The following LRRC7 variants were observed in gnomAD, a reference collection of about 807,000 sequenced individuals.
The protein encoded by LRRC7 is leucine-rich repeat-containing protein 7.
In LRRC7, 23 loss-of-function variants were observed where a neutral mutation model predicts 175.7. The observed-to-expected ratio is 0.13, with a 90% CI of 0.09 to 0.19. The LOEUF (loss-of-function observed/expected upper bound fraction) is 0.19, where lower values mean the gene tolerates loss of function less well. Among genes scored for constraint, LRRC7 ranks in the 10% least tolerant of loss-of-function variants. The pLI, the probability that LRRC7 is intolerant of heterozygous loss-of-function variation, is 1.00. For missense variants in LRRC7, 1,354 were observed against 1,904.7 expected (o/e 0.71, Z 5.38); for synonymous variants, 685 against 680.9 (o/e 1.01, Z -0.09).
chr1:69,600,548 G>T (rs898221334), intron 1 of LRRC7, among the ~76,000 whole-genome samples: 1 of 152,084 alleles, frequency 6.6e-6, no homozygotes, highest in Admixed American at 6.6e-5. Flanking sequence ...TATCAGTATG[G>T]ACTCATTGAT....
chr1:69,882,110 A>T (rs957635996), intron 7 of LRRC7, among the ~76,000 whole-genome samples: 1 of 152,088 alleles, frequency 6.6e-6, no homozygotes, highest in Non-Finnish European at 1.5e-5. Context: ...TATGAATGAC[A>T]ACAAGTATAT....
Position 69,571,737 on chromosome 1 carries a change from A to C in LRRC7, c.2+3096A>C, listed in dbSNP as rs570264442. Among the ~76,000 whole-genome samples, 3 of 152,242 alleles carry C rather than the reference A, an allele frequency of 2.0e-5. No homozygotes were observed. The South Asian group carries it at 6.2e-4, about 32-fold the overall frequency. On this transcript the variant is annotated intron_variant, in intron 1 of 26. Transcript: ENST00000651989. ...TGCTGAATGACTGTGGCCCCAATATAAGAAGGAATCACACATTCCACGAGA... is the reference window on the plus strand; with the variant it reads ...TGCTGAATGACTGTGGCCCCAATATCAGAAGGAATCACACATTCCACGAGA...
chr1:69,624,194 T>C (rs2100335694), intron 1 of LRRC7, among the ~76,000 whole-genome samples: 1 of 152,302 alleles, frequency 6.6e-6, no homozygotes, highest in South Asian at 2.1e-4. Context: ...AATAGTACTA[T>C]TAGTAATTTT....
At chr1:69,758,916 T>A (rs1179643026) in intron 2 of LRRC7, among the ~76,000 whole-genome samples, 1 of 152,034 alleles carries the variant, frequency 6.6e-6, no homozygotes, top group African/African-American at 2.4e-5. Context: ...AAAAATACAT[T>A]AGCAAGTTAA....
chr1:69,873,556 C>T (rs889444469), intron 7 of LRRC7: 6 of 518,824 alleles, frequency 1.2e-5, no homozygotes, highest in African/African-American at 7.8e-5. Context: ...AGCAGCTTTT[C>T]GGGCACCAGA....
At chr1:69,928,804 G>A (rs2421316) in intron 7 of LRRC7, among the ~76,000 whole-genome samples, 54,912 of 152,078 alleles carry the variant, frequency 0.36, 12,152 homozygotes, top group East Asian at 0.55. Context: ...TGCACAGTGC[G>A]CTGCGCCCAC....
chr1:69,668,997 G>T (rs984506520), intron 1 of LRRC7, among the ~76,000 whole-genome samples: 1 of 151,946 alleles, frequency 6.6e-6, no homozygotes, highest in Non-Finnish European at 1.5e-5. Flanking sequence ...AGGGTTGTTT[G>T]TTGTAATTTT....
intron 16 of LRRC7, 103 bp downstream of exon 16, chr1:70,021,232 A>G: frequency 1.8e-6 from 2 of 1,125,702 alleles, no homozygotes; most frequent in Middle Eastern, 2.1e-4. Flanking sequence ...TACTTCTTCA[A>G]GTCTCATGGC....
chr1:69,882,681 G>A (rs1356856259), intron 7 of LRRC7, among the ~76,000 whole-genome samples: 1 of 147,630 alleles, frequency 6.8e-6, no homozygotes, highest in Non-Finnish European at 1.5e-5. Context: ...AGTTACATAT[G>A]TATACATGTG....
intron 7 of LRRC7, among the ~76,000 whole-genome samples, chr1:69,909,767 G>A (rs1035663477): frequency 2.7e-4 from 41 of 151,944 alleles, no homozygotes; most frequent in African/African-American, 8.7e-4. Flanking sequence ...GCTCTTCTCG[G>A]GGAGTATCTT....
At chr1:69,617,740 T>C in intron 1 of LRRC7, among the ~76,000 whole-genome samples, 1 of 151,818 alleles carries the variant, frequency 6.6e-6, no homozygotes, top group East Asian at 1.9e-4. Context: ...TTACACTTCT[T>C]CCCACACATA....
rs989986893 is a variant in LRRC7 at position 69,626,623 on chromosome 1, G to A, written c.3-51758G>A. Among the ~76,000 whole-genome samples, 4 of 151,824 alleles carry A rather than the reference G, an allele frequency of 2.6e-5. 1 individual carries two copies. The highest frequency in any genetic ancestry group is 6.6e-5 in the Admixed American group (1 of 15,260). On this transcript the variant is annotated intron_variant, in intron 1 of 26. Transcript: ENST00000651989. Reference sequence around the variant, plus strand: ...ATACATGTGCACAATGTGCAGGTTTGTTACATACATATACATTTGCCATGC... The same window carrying A: ...ATACATGTGCACAATGTGCAGGTTTATTACATACATATACATTTGCCATGC...
At position 69,838,217 on chromosome 1, in the gene LRRC7, A is replaced by G; in HGVS notation, c.591-10A>G. 6.2e-7 allele frequency: 1 copy of G among 1,604,940 alleles called. No individual in the cohort carries two copies. Among genetic ancestry groups the G allele is most frequent in the African/African-American group, 1.3e-5 (1 of 74,734 alleles). On this transcript the variant is annotated splice_polypyrimidine_tract_variant and intron_variant, in intron 6 of 26. Coordinates refer to ENST00000651989, the MANE Select transcript of LRRC7 (RefSeq NM_001370785.2). Reference sequence around the variant, plus strand: ...TACTAAGAGGAAATTTTTAAAATTCATTTCTGTAGACTTGTCAAATTGCGG... The same window carrying G: ...TACTAAGAGGAAATTTTTAAAATTCGTTTCTGTAGACTTGTCAAATTGCGG...
At chr1:70,076,426 C>T (rs1662783126) in intron 24 of LRRC7, 128 bp downstream of exon 24, 1 of 740,310 alleles carries the variant, frequency 1.4e-6, no homozygotes, top group Non-Finnish European at 2.2e-6. Context: ...GGGTAGGGCC[C>T]TCTTTGTGGG....
At chr1:69,765,410 C>T (rs549638307) in intron 3 of LRRC7, among the ~76,000 whole-genome samples, 5 of 152,144 alleles carry the variant, frequency 3.3e-5, no homozygotes, top group Admixed American at 1.3e-4. Flanking sequence ...CTGCTCTTCA[C>T]GAGCCCATCC....
At chr1:69,571,811 C>A (rs1645749583) in intron 1 of LRRC7, among the ~76,000 whole-genome samples, 1 of 152,088 alleles carries the variant, frequency 6.6e-6, no homozygotes, top group Non-Finnish European at 1.5e-5. Context: ...GAAGAGTAAC[C>A]AATTATTGAT....
chr1:69,667,401 G>A (rs1022575681), intron 1 of LRRC7, among the ~76,000 whole-genome samples: 1 of 152,112 alleles, frequency 6.6e-6, no homozygotes, highest in Non-Finnish European at 1.5e-5. Context: ...TGACAGTGGG[G>A]TGTTGAAGTC....
At chr1:69,654,292 A>G (rs994730378) in intron 1 of LRRC7, among the ~76,000 whole-genome samples, 5 of 152,094 alleles carry the variant, frequency 3.3e-5, no homozygotes, top group Non-Finnish European at 1.5e-5. Context: ...TGGTTTAATT[A>G]TGTTGTTATA....
Position 69,568,259 on chromosome 1 carries a change from G to T in LRRC7, c.-381G>T. ...GTCTGTGGAGCCTTCTGGGGGCGGG[G>T]AGGGAGCTGCGCCTCCGCCACCGCC... On this transcript the variant is annotated 5_prime_UTR_variant, in exon 1 of 27. Coordinates refer to ENST00000651989, the MANE Select transcript of LRRC7 (RefSeq NM_001370785.2). 1 of 208,732 alleles carries T rather than the reference G, an allele frequency of 4.8e-6. No individual in the cohort carries two copies. Among genetic ancestry groups the T allele is most frequent in the South Asian group, 7.9e-5 (1 of 12,692 alleles). The allele number at this position is 208,732 out of a possible 1,614,324, so 12.9% of individuals were successfully genotyped here.
Sources: gnomAD v4.1 joint callset for allele counts (sites outside exome capture counted in the v4.1 genomes callset) on GRCh38, gnomAD v4.1.1 for gene constraint, MANE v1.5 for transcripts, NCBI Gene and HGNC (gene_info 2026-07-23, HGNC 2026-07-21) for gene names.